PPFIBP1: variants seen among roughly 807,000 people sequenced by gnomAD.
The protein encoded by PPFIBP1 is liprin-beta-1.
Under a neutral mutation model 137.8 loss-of-function variants are expected in PPFIBP1, and 112 were observed. That is an observed-to-expected ratio of 0.81 (90% CI 0.70 to 0.95). The LOEUF is 0.95. Ranked by LOEUF, PPFIBP1 falls within the 40% of genes least tolerant of loss-of-function variation. PPFIBP1 has a pLI of 0.00. For synonymous variants in PPFIBP1, 378 were observed against 417.3 expected (o/e 0.91, Z 1.15); for missense variants, 1,083 against 1,196.6 (o/e 0.91, Z 1.40).
At chr12:27,649,387 C>G (rs1464228408) in intron 6 of PPFIBP1, among the ~76,000 whole-genome samples, 2 of 152,104 alleles carry the variant, frequency 1.3e-5, no homozygotes, top group South Asian at 4.1e-4. Flanking sequence ...CGGTGCCTGG[C>G]ACATAGCAAA....
At position 27,682,624 on chromosome 12, in the gene PPFIBP1, A is replaced by G. The variant is rs764760166; in HGVS notation, c.2168A>G (p.Asp723Gly). Reference protein sequence around the residue: ...LDFNWVTRWLDDIGLPQYKTQ... With the variant: ...LDFNWVTRWLGDIGLPQYKTQ... ...GGCCTCTCTCTTTTAGGATGGTTGG[A>G]TGACATTGGCCTCCCTCAATATAAG... Residue 723 changes from aspartate (D) to glycine (G), a missense_variant, in exon 24 of 30, where the codon GAT (aspartate) becomes GGT (glycine). Transcript: ENST00000228425. The G allele has an allele frequency of 1.3e-5, 21 of 1,614,034 alleles. No individual in the cohort carries two copies. The highest frequency in any genetic ancestry group is 1.8e-5 in the Non-Finnish European group (21 of 1,180,022).
At chr12:27,535,139 A>G (rs1944848484) in intron 1 of PPFIBP1, among the ~76,000 whole-genome samples, 1 of 152,196 alleles carries the variant, frequency 6.6e-6, no homozygotes, top group African/African-American at 2.4e-5. Flanking sequence ...CTGTTGCAAA[A>G]TGAAAATGTG....
At chr12:27,689,327 C>A in intron 27 of PPFIBP1, 124 bp downstream of exon 27, 2 of 753,096 alleles carry the variant, frequency 2.7e-6, no homozygotes, top group Non-Finnish European at 2.0e-6. Flanking sequence ...CCAGCAGATG[C>A]AGGAATCCTC....
intron 14 of PPFIBP1, 112 bp downstream of exon 14, chr12:27,671,658 A>G: frequency 1.6e-6 from 1 of 612,928 alleles, no homozygotes; most frequent in East Asian, 3.1e-5. Flanking sequence ...GAAGCAAGAA[A>G]CTGCAAGATG....
intron 5 of PPFIBP1, among the ~76,000 whole-genome samples, chr12:27,647,389 T>C (rs566870047): frequency 8.9e-4 from 135 of 152,298 alleles, no homozygotes; most frequent in African/African-American, 3.2e-3. Context: ...ACATTAACTT[T>C]GTTTCCTCTC....
intron 2 of PPFIBP1, chr12:27,593,780 G>T: frequency 2.4e-6 from 2 of 842,468 alleles, no homozygotes; most frequent in Admixed American, 3.0e-5. Context: ...CCAGGAAGAT[G>T]TTCAGTTTGC....
chr12:27,679,331 A>G (rs1318810910), intron 19 of PPFIBP1, among the ~76,000 whole-genome samples, 158 bp from the exon 20 acceptor site: 1 of 152,240 alleles, frequency 6.6e-6, no homozygotes, highest in African/African-American at 2.4e-5. Flanking sequence ...AGCAGAACGT[A>G]TATGTGTGTT....
rs76352906 is a variant in PPFIBP1, at chr12:27,598,739, C to A, written c.-36+20500C>A. 1.4e-4 allele frequency among the ~76,000 whole-genome samples: 22 copies of A among 152,284 alleles called. No homozygotes were observed. In the East Asian group the frequency reaches 1.7e-3, roughly 12 times the overall value. On this transcript the variant is annotated intron_variant, in intron 2 of 29. Transcript: ENST00000228425. Reference sequence around the variant, plus strand: ...GATGCCATGCTGAGGAATGTAGTCACTTCTAAATGGTAACTCCACTTTCAC... The same window carrying A: ...GATGCCATGCTGAGGAATGTAGTCAATTCTAAATGGTAACTCCACTTTCAC...
In PPFIBP1 at chr12:27,682,286, G is replaced by C. The variant is rs1246135499; in HGVS notation, c.2047-101G>C. 4 of 802,946 alleles carry C rather than the reference G, an allele frequency of 5.0e-6. No individual in the cohort carries two copies. In the East Asian group the frequency reaches 9.8e-5, roughly 20 times the overall value. The allele number at this position is 802,946 out of a possible 1,614,324, so 49.7% of individuals were successfully genotyped here. ...TGGGATTGTAATTCAGTATTGAATT[G>C]GGTCTTTAATGCTAGCTTCATTTTG... On this transcript the variant is annotated intron_variant, in intron 22 of 29. Coordinates refer to ENST00000228425, the MANE Select transcript of PPFIBP1 (RefSeq NM_003622.4).
chr12:27,547,442 C>G (rs182057225), intron 1 of PPFIBP1: 9 of 152,312 alleles, frequency 5.9e-5, no homozygotes, highest in Admixed American at 5.2e-4. Context: ...TGTAGGGCCT[C>G]TGAAGGAGCC....
At chr12:27,622,214 A>G (rs1238264573) in intron 2 of PPFIBP1, among the ~76,000 whole-genome samples, 3 of 152,162 alleles carry the variant, frequency 2.0e-5, no homozygotes, top group Admixed American at 6.5e-5. Flanking sequence ...CCAGGGCTGC[A>G]GTTTCCAATC....
At chr12:27,582,073 C>T (rs1037089684) in intron 2 of PPFIBP1, among the ~76,000 whole-genome samples, 2 of 151,936 alleles carry the variant, frequency 1.3e-5, no homozygotes, top group African/African-American at 2.4e-5. Flanking sequence ...TTCTCAGTTG[C>T]TTTGCTTTCT....
intron 7 of PPFIBP1, among the ~76,000 whole-genome samples, chr12:27,653,457 G>C (rs545810540): frequency 7.1e-4 from 108 of 152,008 alleles, no homozygotes; most frequent in African/African-American, 2.4e-3. Flanking sequence ...CATGGTGGTG[G>C]GTGCCTGTAA....
intron 2 of PPFIBP1, among the ~76,000 whole-genome samples, chr12:27,599,855 G>A (rs2053768834): frequency 6.6e-6 from 1 of 152,182 alleles, no homozygotes; most frequent in Non-Finnish European, 1.5e-5. Context: ...AGGAAAGACT[G>A]AGGTGCTGTC....
At chr12:27,614,499 C>A (rs1034331450) in intron 2 of PPFIBP1, among the ~76,000 whole-genome samples, 2 of 152,186 alleles carry the variant, frequency 1.3e-5, no homozygotes, top group Non-Finnish European at 2.9e-5. Flanking sequence ...GTGATGCTAG[C>A]CTCAGCATGT....
chr12:27,615,286 G>A (rs915512810), intron 2 of PPFIBP1, among the ~76,000 whole-genome samples: 1 of 152,138 alleles, frequency 6.6e-6, no homozygotes, highest in African/African-American at 2.4e-5. Context: ...TTAAAAAATG[G>A]CACTCCAACT....
At chr12:27,591,141 G>C (rs926712947) in intron 2 of PPFIBP1, among the ~76,000 whole-genome samples, 3 of 149,290 alleles carry the variant, frequency 2.0e-5, no homozygotes, top group African/African-American at 7.5e-5. Context: ...ACTCCTATTT[G>C]CTAAATATTT....
chr12:27,635,504 T>C (rs1393976184), intron 4 of PPFIBP1: 1 of 270,292 alleles, frequency 3.7e-6, no homozygotes, highest in Non-Finnish European at 7.0e-6. Flanking sequence ...GAAAGCATGA[T>C]GAAAGACTTT....
intron 1 of PPFIBP1, chr12:27,547,515 C>G (rs1946345957): frequency 6.6e-6 from 1 of 152,176 alleles, no homozygotes; most frequent in Non-Finnish European, 1.5e-5. Context: ...AAAACTGCTG[C>G]TGGTCTTAAA....
Sources: gnomAD v4.1 joint callset for allele counts (sites outside exome capture counted in the v4.1 genomes callset) on GRCh38, gnomAD v4.1.1 for gene constraint, MANE v1.5 for transcripts, NCBI Gene and HGNC (gene_info 2026-07-23, HGNC 2026-07-21) for gene names.